The following LHFPL3 variants were observed in gnomAD, a reference collection of about 807,000 sequenced individuals.
LHFPL3 encodes LHFPL tetraspan subfamily member 3 protein.
In LHFPL3, 5 loss-of-function variants were observed where a neutral mutation model predicts 19.3. That is an observed-to-expected ratio of 0.26 (90% CI 0.14 to 0.54). The LOEUF is 0.54. LHFPL3 is among the 20% of genes least tolerant of loss of function. The pLI is 0.94. For synonymous variants in LHFPL3, 133 were observed against 126.2 expected (o/e 1.05, Z -0.36); for missense variants, 249 against 307.4 (o/e 0.81, Z 1.42).
intron 2 of LHFPL3, among the ~76,000 whole-genome samples, chr7:104,801,798 C>T (rs763714157): frequency 4.5e-4 from 69 of 152,192 alleles, no homozygotes; most frequent in African/African-American, 1.6e-3. Flanking sequence ...TCTCAATCTC[C>T]TGACCTCATG....
At chr7:104,681,159 T>C (rs1792692045) in intron 1 of LHFPL3, among the ~76,000 whole-genome samples, 1 of 149,994 alleles carries the variant, frequency 6.7e-6, no homozygotes, top group Non-Finnish European at 1.5e-5. Flanking sequence ...TTCTTCTTTT[T>C]TTTTTTTTTT....
chr7:104,658,886 A>G (rs1209289275), intron 1 of LHFPL3, among the ~76,000 whole-genome samples: 2 of 152,200 alleles, frequency 1.3e-5, no homozygotes, highest in African/African-American at 2.4e-5. Context: ...CGCATACCCC[A>G]GATAATTATG....
At chr7:104,395,005 C>T (rs879328187) in intron 1 of LHFPL3, among the ~76,000 whole-genome samples, 11 of 151,914 alleles carry the variant, frequency 7.2e-5, no homozygotes, top group Non-Finnish European at 1.5e-4. Context: ...GGCTGCTAGT[C>T]GTCATTTTCT....
At chr7:104,735,857 T>G (rs1241830184) in intron 1 of LHFPL3, among the ~76,000 whole-genome samples, 1 of 151,696 alleles carries the variant, frequency 6.6e-6, no homozygotes, top group Non-Finnish European at 1.5e-5. Context: ...CCATAACACT[T>G]TCTTTATCAG....
At chr7:104,446,234 C>G (rs1490370145) in intron 1 of LHFPL3, among the ~76,000 whole-genome samples, 1 of 152,082 alleles carries the variant, frequency 6.6e-6, no homozygotes, top group African/African-American at 2.4e-5. Context: ...GCCCTTTGAT[C>G]ATTTGGAATG....
At chr7:104,708,877 T>C (rs1216655360) in intron 1 of LHFPL3, among the ~76,000 whole-genome samples, 1 of 152,130 alleles carries the variant, frequency 6.6e-6, no homozygotes, top group African/African-American at 2.4e-5. Context: ...TTCTCTCAAG[T>C]CCCTTGAGAG....
chr7:104,671,920 G>C (rs1021791229), intron 1 of LHFPL3, among the ~76,000 whole-genome samples: 9 of 152,082 alleles, frequency 5.9e-5, no homozygotes, highest in African/African-American at 2.2e-4. Flanking sequence ...TATTTCTTTT[G>C]AAAGAATTAT....
intron 1 of LHFPL3, among the ~76,000 whole-genome samples, chr7:104,334,779 T>C (rs926946970): frequency 2.6e-5 from 4 of 152,184 alleles, no homozygotes; most frequent in African/African-American, 9.7e-5. Flanking sequence ...CATTGGGAGA[T>C]AATCATATCT....
intron 1 of LHFPL3, among the ~76,000 whole-genome samples, chr7:104,408,844 C>T (rs558297317): frequency 6.7e-4 from 95 of 141,590 alleles, no homozygotes; most frequent in Middle Eastern, 3.7e-3. Flanking sequence ...AGTGGAGGCA[C>T]TAGTGTTGTA....
intron 1 of LHFPL3, among the ~76,000 whole-genome samples, chr7:104,345,783 A>G (rs1268817996): frequency 1.3e-5 from 2 of 152,176 alleles, no homozygotes; most frequent in Non-Finnish European, 2.9e-5. Context: ...TTAGCATAAT[A>G]GATGATGCTC....
intron 1 of LHFPL3, among the ~76,000 whole-genome samples, chr7:104,606,926 AGG>A (rs1791113400): frequency 1.3e-5 from 2 of 152,118 alleles, no homozygotes; most frequent in Non-Finnish European, 2.9e-5. Flanking sequence ...TGACTGCAGG[AGG>A]GTTCAGTTAG....
chr7:104,430,433 T>TATATACAC (rs1562895279), intron 1 of LHFPL3, among the ~76,000 whole-genome samples: 26 of 13,648 alleles, frequency 1.9e-3, no homozygotes, highest in Admixed American at 6.1e-3. Context: ...TATATATATA[T>TATATACAC]ATATATATAT....
At chr7:104,888,732 G>A (rs552440640) in intron 2 of LHFPL3, among the ~76,000 whole-genome samples, 27 of 152,320 alleles carry the variant, frequency 1.8e-4, no homozygotes, top group African/African-American at 6.0e-4. Flanking sequence ...ACTGTCACAT[G>A]TGTCAACAAT....
intron 1 of LHFPL3, among the ~76,000 whole-genome samples, chr7:104,687,166 C>T (rs1792822129): frequency 6.6e-6 from 1 of 152,168 alleles, no homozygotes; most frequent in African/African-American, 2.4e-5. Flanking sequence ...GCTCACAGAA[C>T]TCAGGGAAAC....
rs571299770 is a variant in LHFPL3, at chr7:104,346,840, G to A, written c.445+17616G>A. Reference sequence around the variant, plus strand: ...GACTAACACACTTTCTAATGTTGAGGATCTCTTTGGGATTAGTTTTCTTCA... The same window carrying A: ...GACTAACACACTTTCTAATGTTGAGAATCTCTTTGGGATTAGTTTTCTTCA... On this transcript the variant is annotated intron_variant, in intron 1 of 2. Transcript: ENST00000424859. Among the ~76,000 whole-genome samples the A allele has an allele frequency of 1.3e-4, 19 of 150,778 alleles. 1 individual carries two copies. In the South Asian group the frequency reaches 3.8e-3, roughly 31 times the overall value.
chr7:104,461,875 A>T (rs1013573831), intron 1 of LHFPL3, among the ~76,000 whole-genome samples: 2 of 152,180 alleles, frequency 1.3e-5, no homozygotes, highest in Non-Finnish European at 2.9e-5. Context: ...GATTCTTCCT[A>T]TCCATGAGCA....
At chr7:104,537,706 C>T (rs1794415519) in intron 1 of LHFPL3, among the ~76,000 whole-genome samples, 1 of 152,174 alleles carries the variant, frequency 6.6e-6, no homozygotes, top group Non-Finnish European at 1.5e-5. Context: ...CAGTCATGAA[C>T]ATTTTGGAAC....
At chr7:104,444,982 C>A (rs531388636) in intron 1 of LHFPL3, among the ~76,000 whole-genome samples, 1 of 148,334 alleles carries the variant, frequency 6.7e-6, no homozygotes, top group Non-Finnish European at 1.5e-5. Flanking sequence ...GAGTGAAACT[C>A]CGTCTCCAAA....
intron 1 of LHFPL3, among the ~76,000 whole-genome samples, chr7:104,596,032 C>T (rs934342449): frequency 1.3e-5 from 2 of 152,226 alleles, no homozygotes; most frequent in South Asian, 4.1e-4. Flanking sequence ...AGACAATACC[C>T]CACCCTGCTT....
Sources: allele counts gnomAD v4.1 joint callset (sites outside exome capture counted in the v4.1 genomes callset), GRCh38; gene constraint gnomAD v4.1.1; transcripts MANE v1.5; gene names NCBI Gene and HGNC (gene_info 2026-07-23, HGNC 2026-07-21).